Variants in ZNF75D observed in about 807,000 individuals in gnomAD.
ZNF75D encodes zinc finger protein 75.
Under a neutral mutation model 33.3 loss-of-function variants are expected in ZNF75D, and 33 were observed. That is an observed-to-expected ratio of 0.99 (90% CI 0.75 to 1.32). The LOEUF (loss-of-function observed/expected upper bound fraction) is 1.32, where lower values mean the gene tolerates loss of function less well. Among genes scored for constraint, ZNF75D ranks in the 40% most tolerant of loss-of-function variants. The probability of loss-of-function intolerance (pLI) is 0.00; values close to 1 mark genes in which losing one functional copy is unlikely to be tolerated. For synonymous variants in ZNF75D, 113 were observed against 130.6 expected (o/e 0.87, Z 0.92); for missense variants, 338 against 367.5 (o/e 0.92, Z 0.66).
At chrX:135,330,892 A>G (rs964104854) in intron 1 of ZNF75D, 3 of 111,603 alleles carry the variant, frequency 2.7e-5, no homozygotes, top group Non-Finnish European at 3.8e-5. Flanking sequence ...GCTGCAGATC[A>G]GATTTCTTCC....
chrX:135,295,641 G>T (rs1423263486), intron 2 of ZNF75D, 127 bp downstream of exon 2: 2 of 112,054 alleles, frequency 1.8e-5, no homozygotes, highest in Non-Finnish European at 3.8e-5. Context: ...GAAAAATACT[G>T]TATCACATCC....
intron 1 of ZNF75D, among the ~76,000 whole-genome samples, chrX:135,310,521 A>C (rs1556427564): frequency 8.9e-6 from 1 of 112,001 alleles, no homozygotes; most frequent in East Asian, 2.8e-4. Flanking sequence ...TGAAATTAAC[A>C]TAAAAGGAAC....
rs781929746 is a variant in ZNF75D at position 135,258,072 on chromosome X, C to T, written n.828-2295G>A. On this transcript the variant is annotated intron_variant and non_coding_transcript_variant, in intron 1 of 3. Coordinates refer to the ZNF75D transcript ENST00000494295. ...GTGAGAACATGCAGTGTTTGGTTTTCTGTCCTTGTGATACTTTGCTGAGAA... is the reference window on the plus strand; with the variant it reads ...GTGAGAACATGCAGTGTTTGGTTTTTTGTCCTTGTGATACTTTGCTGAGAA... Among the ~76,000 whole-genome samples the T allele has an allele frequency of 8.3e-5, 9 of 108,022 alleles. No individual in the cohort carries two copies. In the East Asian group the frequency reaches 2.3e-3, roughly 27 times the overall value. The allele number at this position is 108,022 out of a possible 115,157, so 93.8% of individuals were successfully genotyped here. A position where few individuals can be genotyped will look rare whatever the true frequency, so the allele number is the denominator to read the frequency against.
At chrX:135,261,460 C>G (rs2083841843) in intron 1 of ZNF75D, among the ~76,000 whole-genome samples, 1 of 111,810 alleles carries the variant, frequency 8.9e-6, no homozygotes, top group African/African-American at 3.3e-5. Flanking sequence ...TAAGGACTTG[C>G]TTTATGAATC....
chrX:135,271,847 G>A (rs1231082751), intron 1 of ZNF75D, among the ~76,000 whole-genome samples: 3 of 112,089 alleles, frequency 2.7e-5, no homozygotes, highest in African/African-American at 9.7e-5. Flanking sequence ...GAACCAGTAA[G>A]TCCTATGGGA....
At chrX:135,258,106 TC>T (rs2083816144) in intron 1 of ZNF75D, among the ~76,000 whole-genome samples, 1 of 105,185 alleles carries the variant, frequency 9.5e-6, no homozygotes, top group Non-Finnish European at 2.0e-5. Context: ...AATGATGGTT[TC>T]CAGCTTCATC....
intron 2 of ZNF75D, among the ~76,000 whole-genome samples, chrX:135,294,858 C>T (rs782020918): frequency 6.4e-4 from 71 of 111,551 alleles, no homozygotes; most frequent in Non-Finnish European, 1.1e-3. Flanking sequence ...AATGCCCTCC[C>T]GCTAAGCAAG....
intron 1 of ZNF75D, among the ~76,000 whole-genome samples, chrX:135,323,500 G>A (rs12689709): frequency 0.24 from 27,002 of 111,224 alleles, 2,724 homozygotes; most frequent in South Asian, 0.43. Flanking sequence ...TCCTCCATAT[G>A]AGTGACCACC....
At chrX:135,263,970 T>C (rs1556415979) in intron 1 of ZNF75D, among the ~76,000 whole-genome samples, 1 of 112,339 alleles carries the variant, frequency 8.9e-6, no homozygotes, top group African/African-American at 3.2e-5. Context: ...AGAGATCTTA[T>C]CTAAGACCAC....
rs5930685 is a variant in ZNF75D, at chrX:135,313,024, T to C, written c.-390-16985A>G. Among the ~76,000 whole-genome samples the C allele has an allele frequency of 2.4e-3, 266 of 112,146 alleles. 1 individual carries two copies. Among genetic ancestry groups the C allele is most frequent in the Non-Finnish European group, 4.4e-3 (232 of 53,128 alleles). On this transcript the variant is annotated intron_variant, in intron 1 of 6. Coordinates refer to ENST00000370766, the MANE Select transcript of ZNF75D (RefSeq NM_007131.5). ...TGATATAGTCCTTTTTGTCTCTTTT[T>C]GCTTTAGTTGTCTGTGCTTTTGAAG...
At chrX:135,326,638 G>A (rs1258481018) in intron 1 of ZNF75D, among the ~76,000 whole-genome samples, 1 of 111,984 alleles carries the variant, frequency 8.9e-6, no homozygotes, top group Non-Finnish European at 1.9e-5. Context: ...TCTTGCTACT[G>A]CTCACTCTTT....
chrX:135,309,036 G>C (rs782292097), intron 1 of ZNF75D, among the ~76,000 whole-genome samples: 51 of 112,284 alleles, frequency 4.5e-4, no homozygotes, highest in African/African-American at 1.4e-3. Flanking sequence ...CTCTCAACTT[G>C]CTGCACAAAA....
At position 135,342,353 on chromosome X, in the gene ZNF75D, G is replaced by C. The variant is rs2084794460; in HGVS notation, c.-976C>G. On this transcript the variant is annotated 5_prime_UTR_variant, in exon 1 of 7. Transcript: ENST00000370766. ...CTGCTATCACTTATCATCATGACAG[G>C]GCTCGATAGAAAAGAAAAATTATGA... 1 of 112,016 alleles carries C rather than the reference G, an allele frequency of 8.9e-6. No individual in the cohort carries two copies. The highest frequency in any genetic ancestry group is 3.7e-4 in the South Asian group (1 of 2,693). 9.2% of individuals were successfully genotyped at this position (112,016 alleles called of 1,213,427 possible). A position where few individuals can be genotyped will look rare whatever the true frequency, so the allele number is the denominator to read the frequency against.
intron 1 of ZNF75D, among the ~76,000 whole-genome samples, chrX:135,317,400 G>A (rs148387601): frequency 2.8e-4 from 31 of 111,555 alleles, no homozygotes; most frequent in African/African-American, 6.5e-4. Flanking sequence ...CCAGGGTGGC[G>A]TACACTGGCA....
intron 1 of ZNF75D, among the ~76,000 whole-genome samples, chrX:135,320,425 T>C (rs1257746367): frequency 8.9e-6 from 1 of 111,894 alleles, no homozygotes; most frequent in Admixed American, 9.5e-5. Flanking sequence ...ATTTAAAGTA[T>C]ATATATCTTA....
intron 1 of ZNF75D, among the ~76,000 whole-genome samples, chrX:135,331,402 A>G (rs2084649682): frequency 9.1e-6 from 1 of 110,160 alleles, no homozygotes; most frequent in Admixed American, 9.8e-5. Flanking sequence ...TCCAGGAAAA[A>G]AAAGCTAAAG....
Position 135,292,420 on chromosome X carries a change from C to T in ZNF75D, c.465G>A (p.Val155=), listed in dbSNP as rs2084056828. ...CTGGCTTCCACTTGAAGCCTGGGGC[C>T]ACTGCTGTTCCTCCCAAGAGCACTG... The part of the protein sequence containing the change: ...KEAVLLGGTA[V]APGFKWKPAE... The change falls in exon 4 of 7, where the codon GTG becomes GTA. Residue 155 remains valine, a synonymous_variant. Transcript: ENST00000370766. 1.7e-6 allele frequency: 2 copies of T among 1,211,602 alleles called. No homozygotes were observed. The highest frequency in any genetic ancestry group is 3.5e-5 in the African/African-American group (2 of 57,757).
chrX:135,309,718 C>T (rs1425460456), intron 1 of ZNF75D: 5 of 294,101 alleles, frequency 1.7e-5, no homozygotes, highest in Non-Finnish European at 3.0e-5. Context: ...TGTGCTGAGG[C>T]CTGCCCAGAA....
intron 1 of ZNF75D, among the ~76,000 whole-genome samples, chrX:135,320,244 G>A (rs994468761): frequency 9.4e-6 from 1 of 106,866 alleles, no homozygotes; most frequent in African/African-American, 3.5e-5. Flanking sequence ...AGTGAGCCAA[G>A]ATCGTGCCAC....
Sources: allele counts gnomAD v4.1 joint callset (sites outside exome capture counted in the v4.1 genomes callset), GRCh38; gene constraint gnomAD v4.1.1; transcripts MANE v1.5; gene names NCBI Gene and HGNC (gene_info 2026-07-23, HGNC 2026-07-21).